The following PHF3 variants were observed in gnomAD, a reference collection of about 807,000 sequenced individuals.
PHF3 encodes PHD finger protein 3.
Under a neutral mutation model 178.4 loss-of-function variants are expected in PHF3, and 41 were observed. That is an observed-to-expected ratio of 0.23 (90% CI 0.18 to 0.30). The LOEUF (loss-of-function observed/expected upper bound fraction) is 0.30, where lower values mean the gene tolerates loss of function less well. PHF3 is among the 10% of genes least tolerant of loss of function. PHF3 has a pLI of 1.00. For missense variants in PHF3, 2,346 were observed against 2,398.1 expected (o/e 0.98, Z 0.45); for synonymous variants, 842 against 800.5 (o/e 1.05, Z -0.88).
In PHF3 at chr6:63,711,219, A is replaced by C; in HGVS notation, c.3854A>C (p.Tyr1285Ser). 2 of 1,611,868 alleles carry C rather than the reference A, an allele frequency of 1.2e-6. No homozygotes were observed. The highest frequency in any genetic ancestry group is 2.2e-5 in the South Asian group (2 of 90,574). ...GTAACTGAAGAAGATCAAATTTCTT[A>C]TACTTTGCTCTTTGCATACTTCAGT... The part of the protein sequence containing the change: ...TPVTEEDQIS[Y>S]TLLFAYFSSR... Residue 1285 changes from tyrosine to serine, a missense_variant, in exon 15 of 16, where the codon TAT (tyrosine) becomes TCT (serine). Tyr to Ser is a moderately radical substitution (Grantham distance 144, BLOSUM62 -2). Around this residue, in one of 8 missense-constraint regions of PHF3, gnomAD observed 90 missense variants for 136.6 expected, o/e 0.66. Coordinates refer to ENST00000262043, the MANE Select transcript of PHF3 (RefSeq NM_001370348.2).
chr6:63,688,600 G>T (rs542938657), intron 4 of PHF3, among the ~76,000 whole-genome samples: 1 of 151,888 alleles, frequency 6.6e-6, no homozygotes, highest in Non-Finnish European at 1.5e-5. Flanking sequence ...CTCCCAAAGT[G>T]CTGGGATTAC....
At position 63,724,340 on chromosome 6, in the gene PHF3, ACAGAATCAG is replaced by A. The variant is rs1768531222; in HGVS notation, c.*10635_*10643del. 1.3e-5 allele frequency among the ~76,000 whole-genome samples: 2 copies of A among 152,312 alleles called. No individual in the cohort carries two copies. The highest frequency in any genetic ancestry group is 4.1e-4 in the South Asian group (2 of 4,830). Reference sequence around the variant, plus strand: ...AGGACCTAATATTTGTGAAGAGACTACAGAATCAGCATATCAGGGGAATTGTATATACAT... The same window carrying A: ...AGGACCTAATATTTGTGAAGAGACTACATATCAGGGGAATTGTATATACAT... On this transcript the variant is annotated 3_prime_UTR_variant, in exon 16 of 16. Coordinates refer to ENST00000262043, the MANE Select transcript of PHF3 (RefSeq NM_001370348.2).
Position 63,694,797 on chromosome 6 carries a change from A to G in PHF3, c.2680+33A>G, listed in dbSNP as rs369362223. 1.6e-4 allele frequency: 188 copies of G among 1,163,368 alleles called. 1 individual carries two copies. The highest frequency in any genetic ancestry group is 1.3e-3 in the South Asian group (50 of 37,048). The allele number at this position is 1,163,368 out of a possible 1,614,324, so 72.1% of individuals were successfully genotyped here. A position where few individuals can be genotyped will look rare whatever the true frequency, so the allele number is the denominator to read the frequency against. ...GATGAACAGAAAAAATTATATACTA[A>G]TATATTTATATCTTATTTAAGATAC... is the stretch of plus-strand genomic sequence containing the variant. On this transcript the variant is annotated intron_variant, in intron 6 of 15. Coordinates refer to ENST00000262043, the MANE Select transcript of PHF3 (RefSeq NM_001370348.2).
Position 63,684,365 on chromosome 6 carries a change from G to T in PHF3, c.643G>T (p.Val215Leu). 6.2e-7 allele frequency: 1 copy of T among 1,613,944 alleles called. No individual in the cohort carries two copies. Among genetic ancestry groups the T allele is most frequent in the South Asian group, 1.1e-5 (1 of 91,076 alleles). ...GQIEVVPEVS[V>L]SSSHSSVSSC... ...AATTGAAGTGGTACCTGAAGTATCA[G>T]TGTCTTCAAGTCATTCTTCAGTGTC... The change falls in exon 4 of 16, where the codon GTG (valine) becomes TTG (leucine). Residue 215 changes from valine to leucine, a missense_variant. By Grantham distance (32) the Val-to-Leu change is conservative. This residue lies in a region of PHF3 where 843 missense variants were observed against 795.2 expected (regional missense o/e 1.06). Transcript: ENST00000262043.
At chr6:63,658,708 T>TTG (rs3071174) in intron 2 of PHF3, among the ~76,000 whole-genome samples, 3,748 of 145,162 alleles carry the variant, frequency 0.026, 64 homozygotes, top group African/African-American at 0.043. Flanking sequence ...CCAATAGATT[T>TTG]TGTGTGTGTG....
chr6:63,705,430 C>T (rs1388613402), intron 11 of PHF3, among the ~76,000 whole-genome samples: 3 of 152,216 alleles, frequency 2.0e-5, no homozygotes, highest in Non-Finnish European at 2.9e-5. Flanking sequence ...TGAGCTCCGC[C>T]TCCTGTCAGA....
chr6:63,723,655 G>A lies in PHF3; in HGVS notation c.*9947G>A, dbSNP rs1768495490. On this transcript the variant is annotated 3_prime_UTR_variant, in exon 16 of 16. Transcript: ENST00000262043. The stretch of plus-strand genomic sequence containing the variant: ...TTTAACTCAGCTAGTATGTTCTTAC[G>A]AAAAATTGACAAAAAGTTTTCTTTC... Among the ~76,000 whole-genome samples the A allele has an allele frequency of 2.0e-5, 3 of 151,896 alleles. No individual in the cohort carries two copies. The highest frequency in any genetic ancestry group is 2.9e-5 in the Non-Finnish European group (2 of 67,982).
At position 63,721,704 on chromosome 6, in the gene PHF3, A is replaced by T. The variant is rs1561994303; in HGVS notation, c.*7996A>T. The T allele has an allele frequency of 9.7e-6, 15 of 1,551,246 alleles. No homozygotes were observed. Among genetic ancestry groups the T allele is most frequent in the Non-Finnish European group, 1.0e-5 (12 of 1,146,712 alleles). The stretch of plus-strand genomic sequence containing the variant: ...ATGCCAAGTACTTCCGTTTATAGTT[A>T]CTTTTTGGAGAGTTTCTAGAATGAT... On this transcript the variant is annotated 3_prime_UTR_variant, in exon 16 of 16. Transcript: ENST00000262043.
intron 5 of PHF3, among the ~76,000 whole-genome samples, chr6:63,694,221 T>G (rs1767134292): frequency 6.6e-6 from 1 of 152,222 alleles, no homozygotes. Context: ...ATAGGCATAC[T>G]GAGAACTTAA....
At chr6:63,697,091 AAG>A (rs1767261919) in intron 6 of PHF3, among the ~76,000 whole-genome samples, 1 of 152,150 alleles carries the variant, frequency 6.6e-6, no homozygotes, top group Admixed American at 6.5e-5. Context: ...TTGATGATGT[AAG>A]AGAGAGAAGT....
Position 63,724,546 on chromosome 6 carries a change from C to T in PHF3, c.*10838C>T, listed in dbSNP as rs535395058. On this transcript the variant is annotated 3_prime_UTR_variant, in exon 16 of 16. Coordinates refer to ENST00000262043, the MANE Select transcript of PHF3 (RefSeq NM_001370348.2). The stretch of plus-strand genomic sequence containing the variant: ...GAATTCAGGCTTTGATTAATTTGTG[C>T]TTAACAAAATGTTGATAATTTTTAT... 6.4e-4 allele frequency among the ~76,000 whole-genome samples: 98 copies of T among 152,088 alleles called. No homozygotes were observed. Among genetic ancestry groups the T allele is most frequent in the African/African-American group, 2.1e-3 (89 of 41,526 alleles).
intron 5 of PHF3, among the ~76,000 whole-genome samples, chr6:63,694,283 A>G (rs139628735): frequency 6.6e-6 from 1 of 152,348 alleles, no homozygotes; most frequent in East Asian, 1.9e-4. Flanking sequence ...GTTTTAGAAT[A>G]TAGATACTTG....
chr6:63,695,159 G>T (rs1316225319), intron 6 of PHF3, among the ~76,000 whole-genome samples: 1 of 152,150 alleles, frequency 6.6e-6, no homozygotes, highest in East Asian at 1.9e-4. Context: ...TGTGAGGTGG[G>T]ATTTGAAGGG....
At chr6:63,658,711 TGTGTGTGTGTGTGTGTGTG>T (rs1765341294) in intron 2 of PHF3, among the ~76,000 whole-genome samples, 1 of 3,540 alleles carries the variant, frequency 2.8e-4, no homozygotes, top group Non-Finnish European at 4.6e-4. Context: ...ATAGATTTTG[TGTGTGTGTGTGTGTGTGTG>T]TGTGTGTGTG....
At chr6:63,679,728 A>C (rs1766342999) in intron 2 of PHF3, 1 of 450,740 alleles carries the variant, frequency 2.2e-6, no homozygotes, top group Non-Finnish European at 4.3e-6. Flanking sequence ...CAAGTAATAA[A>C]TGGAAGTGAT....
chr6:63,644,857 C>T (rs1170306873), intron 1 of PHF3, among the ~76,000 whole-genome samples: 5 of 151,516 alleles, frequency 3.3e-5, no homozygotes, highest in South Asian at 2.1e-4. Context: ...TTTCCCTATT[C>T]GTGGCCCCAG....
intron 1 of PHF3, among the ~76,000 whole-genome samples, chr6:63,643,880 A>G (rs1764676396): frequency 6.6e-6 from 1 of 152,190 alleles, no homozygotes; most frequent in African/African-American, 2.4e-5. Flanking sequence ...GAGTTTTAGG[A>G]TGGTTTCACT....
chr6:63,694,004 A>C (rs1417888230), intron 5 of PHF3, among the ~76,000 whole-genome samples: 1 of 152,204 alleles, frequency 6.6e-6, no homozygotes, highest in African/African-American at 2.4e-5. Context: ...CACTATTTTG[A>C]TTGTACCCTA....
At chr6:63,672,757 A>C (rs1305459171) in intron 2 of PHF3, among the ~76,000 whole-genome samples, 1 of 152,156 alleles carries the variant, frequency 6.6e-6, no homozygotes, top group East Asian at 1.9e-4. Context: ...TAGAAACCTA[A>C]CTTGGGAGTA....
Sources: allele counts gnomAD v4.1 joint callset (sites outside exome capture counted in the v4.1 genomes callset), GRCh38; gene constraint gnomAD v4.1.1; regional missense constraint gnomAD v4.1.1; transcripts MANE v1.5; gene names NCBI Gene and HGNC (gene_info 2026-07-23, HGNC 2026-07-21).